Variants in DGKD observed in about 807,000 individuals in gnomAD.
The protein encoded by DGKD is DAG kinase delta.
A neutral mutation model predicts 154.4 loss-of-function variants in DGKD; 68 were observed. The ratio of observed to expected loss-of-function variants is 0.44; its 90% CI spans 0.36 to 0.54. The LOEUF (loss-of-function observed/expected upper bound fraction) is 0.54, where lower values mean the gene tolerates loss of function less well. DGKD is among the 20% of genes least tolerant of loss of function. The pLI, the probability that DGKD is intolerant of heterozygous loss-of-function variation, is 0.00. For synonymous variants in DGKD, 693 were observed against 638.0 expected (o/e 1.09, Z -1.30); for missense variants, 1,343 against 1,593.6 (o/e 0.84, Z 2.68).
chr2:233,465,661 C>A (rs2063801663), intron 27 of DGKD, among the ~76,000 whole-genome samples: 2 of 151,936 alleles, frequency 1.3e-5, no homozygotes, highest in South Asian at 4.2e-4. Context: ...TTCCAAATTG[C>A]CACCAAGGAC....
chr2:233,367,141 C>G (rs1229258617), intron 1 of DGKD, among the ~76,000 whole-genome samples: 1 of 152,054 alleles, frequency 6.6e-6, no homozygotes, highest in Non-Finnish European at 1.5e-5. Flanking sequence ...TAAATTAGAA[C>G]AGCTTCCACT....
At chr2:233,460,550 C>T (rs1347822170) in intron 24 of DGKD, among the ~76,000 whole-genome samples, 1 of 152,194 alleles carries the variant, frequency 6.6e-6, no homozygotes, top group Non-Finnish European at 1.5e-5. Context: ...GTTTACATGG[C>T]TGGAACCTAA....
intron 10 of DGKD, among the ~76,000 whole-genome samples, chr2:233,444,259 C>T (rs539956279): frequency 5.3e-5 from 8 of 152,048 alleles, no homozygotes; most frequent in Non-Finnish European, 8.8e-5. Context: ...TTGGTTCGTC[C>T]GTCTCTTCCT....
intron 3 of DGKD, among the ~76,000 whole-genome samples, chr2:233,401,793 G>A (rs1426533291): frequency 1.3e-5 from 2 of 151,514 alleles, no homozygotes; most frequent in Non-Finnish European, 2.9e-5. Flanking sequence ...GGTGGCGGGC[G>A]CCTGTAATCC....
At chr2:233,421,785 C>G (rs1399486565) in intron 3 of DGKD, among the ~76,000 whole-genome samples, 2 of 152,260 alleles carry the variant, frequency 1.3e-5, no homozygotes, top group African/African-American at 4.8e-5. Flanking sequence ...CTGTGTAATT[C>G]ACTTCTTTAA....
At chr2:233,460,691 C>A (rs1418405757) in intron 24 of DGKD, among the ~76,000 whole-genome samples, 1 of 152,140 alleles carries the variant, frequency 6.6e-6, no homozygotes, top group African/African-American at 2.4e-5. Context: ...GAGATTGAGA[C>A]CATTCTGGCT....
intron 10 of DGKD, chr2:233,442,484 C>G (rs1008120890): frequency 1.1e-5 from 3 of 280,728 alleles, no homozygotes; most frequent in African/African-American, 6.5e-5. Context: ...CCACGGCCTC[C>G]CCAGGTGATC....
At chr2:233,436,076 C>T in intron 6 of DGKD, 152 bp downstream of exon 6, 1 of 1,045,024 alleles carries the variant, frequency 9.6e-7, no homozygotes, top group South Asian at 1.6e-5. Context: ...TATGCGGTCT[C>T]CGTGTGGTTG....
Position 233,437,461 on chromosome 2 carries a change from A to T in DGKD, c.904A>T (p.Asn302Tyr). 1 of 1,613,238 alleles carries T rather than the reference A, an allele frequency of 6.2e-7. No homozygotes were observed. Among genetic ancestry groups the T allele is most frequent in the Non-Finnish European group, 8.5e-7 (1 of 1,179,180 alleles). The stretch of plus-strand genomic sequence containing the variant: ...GTCAGTCATCCCACCCACGGCTCTC[A>T]ACAGCATCGACTCCGATGGTGGGTA... ...KVSVIPPTAL[N>Y]SIDSDGFWKA... Residue 302 changes from asparagine to tyrosine, a missense_variant, in exon 8 of 30, where the codon AAC becomes TAC. Around this residue, in one of 6 missense-constraint regions of DGKD, gnomAD observed 332 missense variants for 400.1 expected, o/e 0.83. Coordinates refer to ENST00000264057, the MANE Select transcript of DGKD (RefSeq NM_152879.3).
In DGKD at chr2:233,360,984, GTTTTTTT is replaced by G. The variant is rs10580286; in HGVS notation, c.156+6326_156+6332del. Reference sequence around the variant, plus strand: ...GCCCCCAGAGCAGTGAGACAGTCAAGTTTTTTTTTTTTTTTTTTTTTTCCAAGTTTTG... The same window carrying G: ...GCCCCCAGAGCAGTGAGACAGTCAAGTTTTTTTTTTTTTTTCCAAGTTTTG... On this transcript the variant is annotated intron_variant, in intron 1 of 29. Coordinates refer to ENST00000264057, the MANE Select transcript of DGKD (RefSeq NM_152879.3). 3.4e-3 allele frequency among the ~76,000 whole-genome samples: 442 copies of G among 129,106 alleles called. 4 individuals are homozygous for G. Among genetic ancestry groups the G allele is most frequent in the African/African-American group, 0.012 (391 of 31,520 alleles). 84.7% of individuals were successfully genotyped at this position (129,106 alleles called of 152,430 possible). A position where few individuals can be genotyped will look rare whatever the true frequency, so the allele number is the denominator to read the frequency against.
At chr2:233,444,807 C>T (rs555592108) in intron 10 of DGKD, among the ~76,000 whole-genome samples, 21 of 151,646 alleles carry the variant, frequency 1.4e-4, no homozygotes, top group South Asian at 4.2e-4. Flanking sequence ...GAGGGCTGTA[C>T]GGTGCTGTAG....
intron 1 of DGKD, among the ~76,000 whole-genome samples, chr2:233,384,136 G>T (rs1380418195): frequency 1.3e-5 from 2 of 152,084 alleles, no homozygotes; most frequent in African/African-American, 4.8e-5. Flanking sequence ...TCCTGTCCTG[G>T]TCACACTCAG....
Position 233,434,921 on chromosome 2 carries a change from A to C in DGKD, c.586+20A>C. The stretch of plus-strand genomic sequence containing the variant: ...GCGAGGGTACGGATGTGCGTTTGTT[A>C]TTCTGTCAGGAAAGGTGGCCTGGCA... On this transcript the variant is annotated intron_variant, in intron 5 of 29. Transcript: ENST00000264057. The C allele has an allele frequency of 6.3e-7, 1 of 1,598,430 alleles. No homozygotes were observed. Among genetic ancestry groups the C allele is most frequent in the Non-Finnish European group, 8.5e-7 (1 of 1,172,182 alleles).
chr2:233,457,134 G>T lies in DGKD; in HGVS notation c.2473-87G>T. 7.5e-7 allele frequency: 1 copy of T among 1,327,364 alleles called. No homozygotes were observed. The highest frequency in any genetic ancestry group is 1.1e-6 in the Non-Finnish European group (1 of 947,690). The allele number at this position is 1,327,364 out of a possible 1,614,324, so 82.2% of individuals were successfully genotyped here. On this transcript the variant is annotated intron_variant, in intron 20 of 29. Coordinates refer to ENST00000264057, the MANE Select transcript of DGKD (RefSeq NM_152879.3). The surrounding 1 kb of genome is among the most constrained non-coding windows in gnomAD (Gnocchi z 5.5). ...ATGCCCTGGCCACGGCTGTGCTCCT[G>T]AGCCCCTGGCGGTGGGAAGCTGGTA...
At chr2:233,447,533 T>C in intron 12 of DGKD, 1 of 985,362 alleles carries the variant, frequency 1.0e-6, no homozygotes. Flanking sequence ...AAAATTTTTT[T>C]TTTGAGAGGA....
chr2:233,383,306 G>A (rs2125424055), intron 1 of DGKD, among the ~76,000 whole-genome samples: 2 of 152,226 alleles, frequency 1.3e-5, no homozygotes, highest in East Asian at 3.9e-4. Context: ...CTTCCAAAGT[G>A]CTGGAATTAC....
chr2:233,458,110 G>T lies in DGKD; in HGVS notation c.2581-174G>T, dbSNP rs2124918512. 1.9e-6 allele frequency: 1 copy of T among 531,342 alleles called. No homozygotes were observed. The highest frequency in any genetic ancestry group is 2.8e-5 in the South Asian group (1 of 35,456). The allele number at this position is 531,342 out of a possible 1,614,324, so 32.9% of individuals were successfully genotyped here. A position where few individuals can be genotyped will look rare whatever the true frequency, so the allele number is the denominator to read the frequency against. ...TTGCCGAGATGAGAGCTGGGATTTG[G>T]TCCCAGGCAGCTGGTTTCAGGGCCT... On this transcript the variant is annotated intron_variant, in intron 21 of 29. Transcript: ENST00000264057. This position sits in a 1 kb window ranked among gnomAD's most constrained non-coding sequence, Gnocchi z 6.6.
chr2:233,399,064 G>A (rs966897028), intron 3 of DGKD, among the ~76,000 whole-genome samples: 1 of 152,186 alleles, frequency 6.6e-6, no homozygotes, highest in African/African-American at 2.4e-5. Context: ...TTTGATGAAG[G>A]ATTAATTTTT....
intron 3 of DGKD, among the ~76,000 whole-genome samples, chr2:233,420,119 GC>G (rs1370906344): frequency 1.3e-5 from 2 of 152,146 alleles, no homozygotes; most frequent in Non-Finnish European, 2.9e-5. Flanking sequence ...GTGTATAAAA[GC>G]CCTGGGAACC....
Sources: gnomAD v4.1 joint callset for allele counts (sites outside exome capture counted in the v4.1 genomes callset) on GRCh38, gnomAD v4.1.1 for gene constraint, gnomAD v4.1.1 regional missense constraint, Gnocchi (gnomAD v3.1) non-coding constraint, MANE v1.5 for transcripts, NCBI Gene and HGNC (gene_info 2026-07-23, HGNC 2026-07-21) for gene names.